UNC79: variants seen among roughly 807,000 people sequenced by gnomAD.
UNC79 encodes protein unc-79 homolog.
UNC79 carries 37 observed loss-of-function variants against 283.1 expected under a neutral mutation model. The observed-to-expected ratio is 0.13, with a 90% CI of 0.10 to 0.17. The LOEUF (loss-of-function observed/expected upper bound fraction) is 0.17. UNC79 is among the 10% of genes least tolerant of loss of function. UNC79 has a pLI of 1.00. For missense variants in UNC79, 2,272 were observed against 3,211.1 expected (o/e 0.71, Z 7.07); for synonymous variants, 1,107 against 1,200.2 (o/e 0.92, Z 1.61).
chr14:93,472,797 C>A (rs570905142), intron 2 of UNC79, among the ~76,000 whole-genome samples: 8 of 152,134 alleles, frequency 5.3e-5, no homozygotes, highest in African/African-American at 1.7e-4. Context: ...GCACATAGAG[C>A]AACTGTAAAA....
At chr14:93,538,832 A>G (rs957608274) in intron 12 of UNC79, among the ~76,000 whole-genome samples, 1 of 151,198 alleles carries the variant, frequency 6.6e-6, no homozygotes, top group East Asian at 1.9e-4. Flanking sequence ...AGCAATTGAA[A>G]TAACTTCTAC....
chr14:93,563,849 A>C (rs1265519117), intron 14 of UNC79, among the ~76,000 whole-genome samples: 1 of 152,178 alleles, frequency 6.6e-6, no homozygotes, highest in African/African-American at 2.4e-5. Context: ...CTCAACAAAG[A>C]GTGAGTATAG....
chr14:93,346,976 TGTGCTGG>T (rs1444839264), intron 1 of UNC79, among the ~76,000 whole-genome samples: 1 of 140,626 alleles, frequency 7.1e-6, no homozygotes, highest in Admixed American at 7.1e-5. Context: ...AGAGCAGGGG[TGTGCTGG>T]GTGGAAGGGG....
At chr14:93,543,076 A>G (rs1033877457) in intron 14 of UNC79, among the ~76,000 whole-genome samples, 2 of 150,324 alleles carry the variant, frequency 1.3e-5, no homozygotes, top group African/African-American at 4.9e-5. Context: ...AAATATTTTT[A>G]TTAAGAAACA....
chr14:93,517,677 C>T lies in UNC79; in HGVS notation c.899-6301C>T, dbSNP rs578056973. Among the ~76,000 whole-genome samples the T allele has an allele frequency of 2.6e-5, 4 of 151,566 alleles. No individual in the cohort carries two copies. In the South Asian group the frequency reaches 8.3e-4, roughly 31 times the overall value. ...CCTTTTATGCCTATTTTTTGTATTC[C>T]CCATCCCCCACCATTTCATCTTTCT... On this transcript the variant is annotated intron_variant, in intron 7 of 48. Coordinates refer to ENST00000555664, the Ensembl canonical transcript of UNC79.
Position 93,338,216 on chromosome 14 carries a change from T to A in UNC79, c.-351+4693T>A, listed in dbSNP as rs565963740. Among the ~76,000 whole-genome samples, 5 of 152,082 alleles carry A rather than the reference T, an allele frequency of 3.3e-5. No individual in the cohort carries two copies. In the East Asian group the frequency reaches 9.8e-4, roughly 30 times the overall value. The stretch of plus-strand genomic sequence containing the variant: ...AGCTGGCGAAGCAACACCTGAAGGA[T>A]CCTGTGACATTTTGGGATGAGTGAG... On this transcript the variant is annotated intron_variant, in intron 1 of 49. Transcript: ENST00000256339.
At chr14:93,587,586 T>G (rs569173244) in intron 22 of UNC79, among the ~76,000 whole-genome samples, 6 of 152,352 alleles carry the variant, frequency 3.9e-5, no homozygotes, top group Admixed American at 3.9e-4. Context: ...TATGAGGGCT[T>G]ACTGTATACA....
rs77579584 is a variant in UNC79 at position 93,657,781 on chromosome 14, A to G, written c.6457-1412A>G. On this transcript the variant is annotated intron_variant, in intron 38 of 48. Coordinates refer to ENST00000555664, the Ensembl canonical transcript of UNC79. ...CTAATTTGTGACAATCAACCTGCCC[A>G]TAGGGACCCTGCCTACAGGGTTAAT... is the stretch of plus-strand genomic sequence containing the variant. 1.8e-4 allele frequency among the ~76,000 whole-genome samples: 27 copies of G among 152,258 alleles called. No individual in the cohort carries two copies. In the East Asian group the frequency reaches 5.2e-3, roughly 29 times the overall value.
At chr14:93,350,223 A>T (rs11850967) in intron 1 of UNC79, among the ~76,000 whole-genome samples, 10,933 of 152,062 alleles carry the variant, frequency 0.072, 815 homozygotes, top group African/African-American at 0.19. Context: ...TATAATTCTA[A>T]AAGTTGTGTT....
intron 1 of UNC79, among the ~76,000 whole-genome samples, chr14:93,377,096 CTTTT>C (rs3059767): frequency 4.6e-5 from 5 of 108,054 alleles, no homozygotes; most frequent in Admixed American, 1.0e-4. Context: ...ATAGTTGTTT[CTTTT>C]TTTTTTTTTT....
intron 1 of UNC79, among the ~76,000 whole-genome samples, chr14:93,456,383 GA>G (rs899701171): frequency 3.3e-5 from 5 of 150,588 alleles, no homozygotes; most frequent in East Asian, 1.9e-4. Flanking sequence ...ACTTAAGCAA[GA>G]AAAAAAAAGA....
chr14:93,668,140 G>A (rs973287409), intron 40 of UNC79, among the ~76,000 whole-genome samples: 5 of 152,100 alleles, frequency 3.3e-5, no homozygotes, highest in Admixed American at 1.3e-4. Context: ...TCATGGTGCT[G>A]GAGGTCCCAT....
chr14:93,384,411 A>G (rs562319370), intron 1 of UNC79, among the ~76,000 whole-genome samples: 1 of 152,324 alleles, frequency 6.6e-6, no homozygotes, highest in African/African-American at 2.4e-5. Flanking sequence ...GTGAGATAAT[A>G]GCTCATTGTA....
exon 49 of UNC79, chr14:93,706,899 C>T (rs200734769): frequency 1.9e-6 from 3 of 1,614,168 alleles, no homozygotes; most frequent in Non-Finnish European, 2.5e-6. Context: ...ATTTTATCCT[C>T]TATGAGTGGA....
At chr14:93,701,360 C>G (rs780154949) in intron 47 of UNC79, among the ~76,000 whole-genome samples, 1 of 152,124 alleles carries the variant, frequency 6.6e-6, no homozygotes, top group African/African-American at 2.4e-5. Context: ...GTTTCATCAC[C>G]AATTTTAATT....
chr14:93,386,340 G>A (rs1246414823), intron 1 of UNC79, among the ~76,000 whole-genome samples: 1 of 152,126 alleles, frequency 6.6e-6, no homozygotes, highest in Non-Finnish European at 1.5e-5. Context: ...CATGATGAAT[G>A]ATCTTTTTAA....
intron 1 of UNC79, among the ~76,000 whole-genome samples, chr14:93,355,207 C>T (rs887254092): frequency 6.7e-6 from 1 of 150,040 alleles, no homozygotes; most frequent in Non-Finnish European, 1.5e-5. Context: ...TTTTTTTTTC[C>T]CCCTGAGACA....
intron 35 of UNC79, among the ~76,000 whole-genome samples, chr14:93,648,411 G>GTT (rs944738027): frequency 5.3e-5 from 8 of 152,296 alleles, no homozygotes; most frequent in African/African-American, 1.9e-4. Flanking sequence ...CAGGTGAGAG[G>GTT]TTAGTGGTTT....
chr14:93,471,473 C>G (rs569103766), intron 2 of UNC79, among the ~76,000 whole-genome samples: 1 of 152,086 alleles, frequency 6.6e-6, no homozygotes, highest in Admixed American at 6.5e-5. Flanking sequence ...GCAGGGCATT[C>G]TTAATATTCA....
Sources: allele counts gnomAD v4.1 joint callset (sites outside exome capture counted in the v4.1 genomes callset), GRCh38; gene constraint gnomAD v4.1.1; transcripts MANE v1.5; gene names NCBI Gene and HGNC (gene_info 2026-07-23, HGNC 2026-07-21).